The following CTNNA1 variants were observed in gnomAD, a reference collection of about 807,000 sequenced individuals.
CTNNA1 encodes the protein catenin alpha-1.
Under a neutral mutation model 98.4 loss-of-function variants are expected in CTNNA1, and 37 were observed. The observed-to-expected ratio is 0.38, with a 90% CI of 0.29 to 0.49. The LOEUF is 0.49. Among genes scored for constraint, CTNNA1 ranks in the 20% least tolerant of loss-of-function variants. The pLI is 0.95. For missense variants in CTNNA1, 761 were observed against 1,147.2 expected (o/e 0.66, Z 4.86); for synonymous variants, 404 against 413.2 (o/e 0.98, Z 0.27).
In CTNNA1 at chr5:138,873,130, G is replaced by T. The variant is rs1200015072; in HGVS notation, c.1063-13082G>T. ...CATTATACGGTCCTTGGTCTGACAT[G>T]TTTGACATATGGAGTCGTGTTTGGG... is the stretch of plus-strand genomic sequence containing the variant. On this transcript the variant is annotated intron_variant, in intron 7 of 17. Transcript: ENST00000302763. This position sits in a 1 kb window ranked among gnomAD's most constrained non-coding sequence, Gnocchi z 6.1. The T allele has an allele frequency of 6.2e-7, 1 of 1,613,886 alleles. No individual in the cohort carries two copies. The highest frequency in any genetic ancestry group is 8.5e-7 in the Non-Finnish European group (1 of 1,179,896).
intron 1 of CTNNA1, among the ~76,000 whole-genome samples, chr5:138,758,491 C>A (rs1751955230): frequency 6.6e-6 from 1 of 152,212 alleles, no homozygotes; most frequent in African/African-American, 2.4e-5. Context: ...GATTCTCCTG[C>A]CTCAGCCTCG....
chr5:138,836,875 C>G (rs1161517753), intron 7 of CTNNA1, among the ~76,000 whole-genome samples: 1 of 152,136 alleles, frequency 6.6e-6, no homozygotes, highest in Non-Finnish European at 1.5e-5. Context: ...GCGATGGGCA[C>G]TATAAATTTT....
At chr5:138,831,347 A>T (rs2149794119) in intron 7 of CTNNA1, among the ~76,000 whole-genome samples, 1 of 152,336 alleles carries the variant, frequency 6.6e-6, no homozygotes, top group Admixed American at 6.5e-5. Flanking sequence ...AGCGTCAGTT[A>T]TTTTAAAACA....
At chr5:138,907,607 G>C (rs1759553450) in intron 10 of CTNNA1, among the ~76,000 whole-genome samples, 1 of 152,190 alleles carries the variant, frequency 6.6e-6, no homozygotes, top group African/African-American at 2.4e-5. Context: ...CTGATTTTGA[G>C]GTATTCCCTT....
chr5:138,849,364 C>T lies in CTNNA1; in HGVS notation c.1062+21646C>T, dbSNP rs1762996500. On this transcript the variant is annotated intron_variant, in intron 7 of 17. Coordinates refer to ENST00000302763, the MANE Select transcript of CTNNA1 (RefSeq NM_001903.5). The stretch of plus-strand genomic sequence containing the variant: ...CTATCTCATTGTTTAAGAGAATTTA[C>T]ACACCCTAGAACTGGTTGAATAATT... 3.3e-5 allele frequency among the ~76,000 whole-genome samples: 5 copies of T among 152,060 alleles called. No homozygotes were observed. In the South Asian group the frequency reaches 8.3e-4, roughly 25 times the overall value.
chr5:138,794,012 A>ATTTTT (rs10717660), intron 3 of CTNNA1, among the ~76,000 whole-genome samples: 1 of 112,298 alleles, frequency 8.9e-6, no homozygotes, highest in Non-Finnish European at 1.8e-5. Context: ...TCCTGGGTTG[A>ATTTTT]TTTTTTTTTT....
intron 1 of CTNNA1, among the ~76,000 whole-genome samples, chr5:138,766,257 C>T (rs896828023): frequency 6.6e-6 from 1 of 152,040 alleles, no homozygotes; most frequent in African/African-American, 2.4e-5. Flanking sequence ...TTGTAGCTTT[C>T]CAGTTTGAGA....
Position 138,931,901 on chromosome 5 carries a change from G to A in CTNNA1, c.2299-677G>A, listed in dbSNP as rs28363497. 5.3e-5 allele frequency: 52 copies of A among 985,446 alleles called. No individual in the cohort carries two copies. In the East Asian group the frequency reaches 5.3e-3, roughly 101 times the overall value. 61.0% of individuals were successfully genotyped at this position (985,446 alleles called of 1,614,324 possible). On this transcript the variant is annotated intron_variant, in intron 16 of 17. Coordinates refer to ENST00000302763, the MANE Select transcript of CTNNA1 (RefSeq NM_001903.5). ...TTTGCTTGCTATAAACACTTGAGAG[G>A]TGCTCTGTGTTTCTCCCTTTGGGTA...
At chr5:138,887,450 T>C in intron 8 of CTNNA1, 40 bp from the exon 9 acceptor site, 3 of 1,487,960 alleles carry the variant, frequency 2.0e-6, no homozygotes, top group Middle Eastern at 3.5e-4. Flanking sequence ...AATACCTTTT[T>C]GGTAGAAATA....
chr5:138,887,754 A>G (rs1754397203), intron 9 of CTNNA1, 112 bp downstream of exon 9: 3 of 816,346 alleles, frequency 3.7e-6, no homozygotes, highest in Admixed American at 2.6e-5. Context: ...AACATACAAC[A>G]TGTCTGAGAT....
At chr5:138,817,004 T>G (rs1244992402) in intron 5 of CTNNA1, among the ~76,000 whole-genome samples, 4 of 152,192 alleles carry the variant, frequency 2.6e-5, no homozygotes, top group Non-Finnish European at 5.9e-5. Flanking sequence ...CCCGGCTACA[T>G]TTGCCCATTT....
intron 7 of CTNNA1, among the ~76,000 whole-genome samples, chr5:138,881,663 G>A (rs540959372): frequency 6.6e-5 from 10 of 152,226 alleles, no homozygotes; most frequent in South Asian, 2.1e-4. Flanking sequence ...GGTCCCTACT[G>A]TATGGATGAC....
intron 11 of CTNNA1, among the ~76,000 whole-genome samples, chr5:138,920,624 C>G (rs1271984667): frequency 6.6e-6 from 1 of 152,268 alleles, no homozygotes; most frequent in Non-Finnish European, 1.5e-5. Flanking sequence ...CTACTGTCTC[C>G]TGGGGCTTGA....
intron 9 of CTNNA1, among the ~76,000 whole-genome samples, chr5:138,893,282 C>A (rs79937106): frequency 0.011 from 1,693 of 152,236 alleles, 25 homozygotes; most frequent in African/African-American, 0.039. Context: ...GCAGCAGCCT[C>A]ACTTTGTGAT....
chr5:138,846,329 T>G (rs1381892536), intron 7 of CTNNA1, among the ~76,000 whole-genome samples: 1 of 152,188 alleles, frequency 6.6e-6, no homozygotes, highest in African/African-American at 2.4e-5. Flanking sequence ...TATCTGTGAA[T>G]AAACCAAAAA....
At chr5:138,821,605 G>A (rs915379271) in intron 5 of CTNNA1, among the ~76,000 whole-genome samples, 1 of 152,162 alleles carries the variant, frequency 6.6e-6, no homozygotes, top group Non-Finnish European at 1.5e-5. Context: ...AGAGAGAAAT[G>A]AGAGGAAACT....
In CTNNA1 at chr5:138,780,022, T is replaced by A. The variant is rs1017948230; in HGVS notation, c.-2-1901T>A. ...TTACATAATTTATTGAGTGATCTGT[T>A]GTTTGAAATTTAGGTAATTTATAAC... is the stretch of plus-strand genomic sequence containing the variant. On this transcript the variant is annotated intron_variant, in intron 1 of 17. Coordinates refer to ENST00000302763, the MANE Select transcript of CTNNA1 (RefSeq NM_001903.5). Among the ~76,000 whole-genome samples the A allele has an allele frequency of 5.3e-5, 8 of 152,306 alleles. No individual in the cohort carries two copies. In the South Asian group the frequency reaches 6.2e-4, roughly 12 times the overall value.
chr5:138,782,596 C>A (rs553599494), intron 2 of CTNNA1, among the ~76,000 whole-genome samples: 4 of 152,326 alleles, frequency 2.6e-5, no homozygotes, highest in Admixed American at 2.6e-4. Context: ...AACATATATT[C>A]ATCATCTTTA....
Position 138,887,697 on chromosome 5 carries a change from G to A in CTNNA1, c.1296+55G>A. Reference sequence around the variant, plus strand: ...TAGGCAACTTGGTGAAGTGTGGTGAGTTTTAATCACATTATTTAATCAGTT... The same window carrying A: ...TAGGCAACTTGGTGAAGTGTGGTGAATTTTAATCACATTATTTAATCAGTT... On this transcript the variant is annotated intron_variant, in intron 9 of 17. Transcript: ENST00000302763. The A allele has an allele frequency of 2.1e-6, 3 of 1,454,912 alleles. No individual in the cohort carries two copies. The Admixed American group carries it at 6.0e-5, about 29-fold the overall frequency. The allele number at this position is 1,454,912 out of a possible 1,614,324, so 90.1% of individuals were successfully genotyped here.
Sources: allele counts gnomAD v4.1 joint callset (sites outside exome capture counted in the v4.1 genomes callset), GRCh38; gene constraint gnomAD v4.1.1; non-coding constraint Gnocchi (gnomAD v3.1); transcripts MANE v1.5; gene names NCBI Gene and HGNC (gene_info 2026-07-23, HGNC 2026-07-21).